NWD1: variants seen among roughly 807,000 people sequenced by gnomAD.
NWD1 encodes NACHT and WD repeat domain containing 1, also known as NACHT domain- and WD repeat-containing protein 1.
Under a neutral mutation model 135.1 loss-of-function variants are expected in NWD1, and 129 were observed. The observed-to-expected ratio is 0.96, with a 90% confidence interval of 0.83 to 1.11. The LOEUF is 1.11. NWD1 is among the 50% of genes least tolerant of loss of function. NWD1 has a pLI of 0.00. For missense variants in NWD1, 1,740 were observed against 1,851.3 expected, an observed-to-expected ratio of 0.94 and a Z score of 1.10; for synonymous variants, 773 against 786.0, an observed-to-expected ratio of 0.98 and a Z score of 0.28.
At chr19:16,812,202 A>G (rs1487903619) in intron 18 of NWD1, among the ~76,000 whole-genome samples, 1 of 151,300 alleles carries the variant, frequency 6.6e-6, no homozygotes, top group Non-Finnish European at 1.5e-5. Flanking sequence ...CTGCTACTTG[A>G]GAGGTTGAGG....
At chr19:16,802,463 T>TAAAA (rs1165843521) in intron 17 of NWD1, among the ~76,000 whole-genome samples, 1 of 96,484 alleles carries the variant, frequency 1.0e-5, no homozygotes, top group African/African-American at 4.1e-5. Context: ...CTATCTCAAT[T>TAAAA]AAAAAAAAAA....
intron 10 of NWD1, among the ~76,000 whole-genome samples, chr19:16,770,230 A>C (rs760148607): frequency 2.6e-5 from 4 of 152,184 alleles, no homozygotes; most frequent in South Asian, 2.1e-4. Flanking sequence ...GAGATAATCG[A>C]ATCATGGAGG....
At position 16,750,022 on chromosome 19, in the gene NWD1, G is replaced by A. The variant is rs750993806; in HGVS notation, c.1380G>A (p.Pro460=). ...RVPWLPLNCP[P]RVHLILSACS... ...CCTGGCTGCCTCTCAACTGCCCCCCGAGGGTGCACCTCATCCTCTCAGCTT... is the reference window on the plus strand; with the variant it reads ...CCTGGCTGCCTCTCAACTGCCCCCCAAGGGTGCACCTCATCCTCTCAGCTT... Residue 460 remains proline, a synonymous_variant, in exon 6 of 19, where the codon CCG becomes CCA. Transcript: ENST00000524140. 56 of 1,613,834 alleles carry A rather than the reference G, an allele frequency of 3.5e-5. No homozygotes were observed. The highest frequency in any genetic ancestry group is 3.3e-4 in the Middle Eastern group (2 of 6,062).
intron 16 of NWD1, among the ~76,000 whole-genome samples, chr19:16,798,952 AC>A (rs1162003744): frequency 6.6e-6 from 1 of 151,290 alleles, no homozygotes; most frequent in African/African-American, 2.4e-5. Flanking sequence ...AAAAAAAAAA[AC>A]ATTAAAAGTT....
In NWD1 at chr19:16,749,679, G is replaced by A. The variant is rs1489579914; in HGVS notation, c.1037G>A (p.Gly346Glu). ...GTACTCTTTGGGCCCCCAGGCATTG[G>A]AAAGACAGCCCTGATGTGCAAGCTG... Reference protein sequence around the residue: ...PLVLFGPPGIGKTALMCKLAE... With the variant: ...PLVLFGPPGIEKTALMCKLAE... Residue 346 changes from glycine to glutamate, a missense_variant, in exon 6 of 19, where the codon GGA becomes GAA. Physicochemically the swap from Gly to Glu is moderately conservative, Grantham distance 98 (BLOSUM62 -2). Transcript: ENST00000524140. 6.3e-7 allele frequency: 1 copy of A among 1,599,764 alleles called. No homozygotes were observed. Among genetic ancestry groups the A allele is most frequent in the Non-Finnish European group, 8.5e-7 (1 of 1,170,888 alleles).
chr19:16,728,804 C>T (rs963061285), intron 2 of NWD1, among the ~76,000 whole-genome samples: 4 of 151,138 alleles, frequency 2.6e-5, no homozygotes, highest in African/African-American at 4.9e-5. Context: ...ATTAGCTAGG[C>T]GTGGTGGCGG....
intron 2 of NWD1, 109 bp from the exon 3 acceptor site, chr19:16,731,083 A>G: frequency 1.6e-6 from 1 of 615,844 alleles, no homozygotes; most frequent in South Asian, 2.0e-5. Context: ...ATTCTCCACA[A>G]AAAAGGGGAA....
chr19:16,751,581 A>C (rs1968581550), intron 6 of NWD1, among the ~76,000 whole-genome samples: 1 of 152,018 alleles, frequency 6.6e-6, no homozygotes, highest in South Asian at 2.1e-4. Context: ...CAGGTGGATC[A>C]CTTGAAGTCA....
intron 4 of NWD1, among the ~76,000 whole-genome samples, chr19:16,740,881 G>A (rs531450183): frequency 5.5e-4 from 84 of 152,110 alleles, no homozygotes; most frequent in Non-Finnish European, 7.5e-4. Context: ...CAGGGGGGCC[G>A]GGTGCAGTGG....
At chr19:16,780,650 C>G (rs577663206) in intron 12 of NWD1, among the ~76,000 whole-genome samples, 1 of 151,806 alleles carries the variant, frequency 6.6e-6, no homozygotes, top group African/African-American at 2.4e-5. Context: ...TCTTCTCTTT[C>G]CTTTTCTTTT....
intron 9 of NWD1, 148 bp from the exon 10 acceptor site, chr19:16,764,886 C>A: frequency 1.2e-6 from 1 of 852,612 alleles, no homozygotes; most frequent in Non-Finnish European, 1.8e-6. Flanking sequence ...ATAGTTCAGC[C>A]CCTTACCACA....
chr19:16,797,266 G>C (rs1409501119), intron 15 of NWD1, among the ~76,000 whole-genome samples: 1 of 151,258 alleles, frequency 6.6e-6, no homozygotes, highest in Non-Finnish European at 1.5e-5. Flanking sequence ...GGACAGGACT[G>C]AATCCACCTT....
At chr19:16,781,769 A>C (rs948721260) in intron 12 of NWD1, among the ~76,000 whole-genome samples, 1 of 152,130 alleles carries the variant, frequency 6.6e-6, no homozygotes, top group African/African-American at 2.4e-5. Context: ...CATTTAACAG[A>C]ATCAAGTCAT....
At chr19:16,724,631 T>A (rs1209173716) in intron 2 of NWD1, among the ~76,000 whole-genome samples, 168 bp downstream of exon 2, 6 of 152,156 alleles carry the variant, frequency 3.9e-5, no homozygotes, top group Admixed American at 3.9e-4. Flanking sequence ...GAGGATCGTT[T>A]GTTGGCAGGA....
Position 16,791,345 on chromosome 19 carries a change from A to T in NWD1, c.2941-5A>T, listed in dbSNP as rs370954307. 1.9e-6 allele frequency: 3 copies of T among 1,612,722 alleles called. No homozygotes were observed. The highest frequency in any genetic ancestry group is 2.7e-5 in the African/African-American group (2 of 74,908). ...GATGCTGCTTCCTCTTCATTATTCT[A>T]TTAGATCAATGCTTGGAATCTGGAA... is the stretch of plus-strand genomic sequence containing the variant. On this transcript the variant is annotated splice_region_variant and splice_polypyrimidine_tract_variant and intron_variant, in intron 13 of 18. Transcript: ENST00000524140.
Position 16,720,105 on chromosome 19 carries a change from T to C in NWD1, c.-293T>C, listed in dbSNP as rs1967084284. Reference sequence around the variant, plus strand: ...GGGGAAGCCCAGTCCTGCTCAGCTGTCTTCTTCAGCAACAAACAGAAGTCC... The same window carrying C: ...GGGGAAGCCCAGTCCTGCTCAGCTGCCTTCTTCAGCAACAAACAGAAGTCC... On this transcript the variant is annotated 5_prime_UTR_variant, in exon 1 of 19. Coordinates refer to ENST00000524140, the MANE Select transcript of NWD1 (RefSeq NM_001007525.5). 1 of 152,196 alleles carries C rather than the reference T, an allele frequency of 6.6e-6. No homozygotes were observed. The highest frequency in any genetic ancestry group is 2.4e-5 in the African/African-American group (1 of 41,452). 9.4% of individuals were successfully genotyped at this position (152,196 alleles called of 1,614,324 possible).
intron 3 of NWD1, among the ~76,000 whole-genome samples, chr19:16,731,712 C>A (rs1967577493): frequency 6.6e-6 from 1 of 151,542 alleles, no homozygotes; most frequent in South Asian, 2.1e-4. Flanking sequence ...TCAAGCGATT[C>A]TCTCGCCTCA....
Position 16,800,131 on chromosome 19 carries a change from A to T in NWD1, c.3705A>T (p.Lys1235Asn). 1 of 1,613,676 alleles carries T rather than the reference A, an allele frequency of 6.2e-7. No homozygotes were observed. Among genetic ancestry groups the T allele is most frequent in the East Asian group, 2.2e-5 (1 of 44,868 alleles). ...TCTACTTCCCCAAAATTGGGGACAA[A>T]AACAAAGTCACTATTTGGGACTTGG... ...SYVYFPKIGD[K>N]NKVTIWDLAE... Residue 1235 changes from lysine (K) to asparagine (N), a missense_variant, in exon 17 of 19, where the codon AAA (lysine) becomes AAT (asparagine). Coordinates refer to ENST00000524140, the MANE Select transcript of NWD1 (RefSeq NM_001007525.5).
intron 6 of NWD1, among the ~76,000 whole-genome samples, chr19:16,755,688 T>TTATTTATTTATG (rs2122846798): frequency 5.8e-5 from 1 of 17,358 alleles, no homozygotes; most frequent in African/African-American, 4.9e-4. Flanking sequence ...ACATCCAGCC[T>TTATTTATTTATG]TATTTATTTA....
Sources: gnomAD v4.1 joint callset for allele counts (sites outside exome capture counted in the v4.1 genomes callset) on GRCh38, gnomAD v4.1.1 for gene constraint, MANE v1.5 for transcripts, NCBI Gene and HGNC (gene_info 2026-07-23, HGNC 2026-07-21) for gene names.